RBL1: variants seen among roughly 807,000 people sequenced by gnomAD.
RBL1 encodes the protein RB transcriptional corepressor like 1.
A neutral mutation model predicts 123.0 loss-of-function variants in RBL1; 82 were observed. That is an observed-to-expected ratio of 0.67 (90% CI 0.56 to 0.80). The LOEUF (loss-of-function observed/expected upper bound fraction) is 0.80, where lower values mean the gene tolerates loss of function less well. Ranked by LOEUF, RBL1 falls within the 30% of genes least tolerant of loss-of-function variation. The pLI is 0.00. For synonymous variants in RBL1, 405 were observed against 441.3 expected (o/e 0.92, Z 1.03); for missense variants, 1,171 against 1,299.6 (o/e 0.90, Z 1.52).
At chr20:37,033,819 G>A (rs1220912994) in intron 15 of RBL1, among the ~76,000 whole-genome samples, 3 of 151,656 alleles carry the variant, frequency 2.0e-5, no homozygotes, top group East Asian at 3.9e-4. Context: ...GTTTCACCAC[G>A]TTGGCCAGGC....
At chr20:37,000,356 CAG>C (rs1465485768) in intron 21 of RBL1, among the ~76,000 whole-genome samples, 2 of 149,080 alleles carry the variant, frequency 1.3e-5, no homozygotes, top group Non-Finnish European at 3.0e-5. Context: ...CCGCCCCGTC[CAG>C]AAGGGAGGTG....
intron 19 of RBL1, among the ~76,000 whole-genome samples, chr20:37,016,213 A>G (rs1486102431): frequency 4.6e-5 from 7 of 150,688 alleles, no homozygotes; most frequent in African/African-American, 1.5e-4. Context: ...TTTTTAGTAG[A>G]GACAAGGTTT....
chr20:37,062,640 T>C (rs1182105678), intron 7 of RBL1, among the ~76,000 whole-genome samples: 6 of 91,970 alleles, frequency 6.5e-5, no homozygotes, highest in Middle Eastern at 8.5e-3. Flanking sequence ...AACAAGACTC[T>C]GTCTCAAAAA....
At chr20:37,073,068 G>A (rs866793305) in intron 2 of RBL1, among the ~76,000 whole-genome samples, 5 of 151,946 alleles carry the variant, frequency 3.3e-5, no homozygotes, top group South Asian at 2.1e-4. Flanking sequence ...CGATCCTCCC[G>A]CTCCAGCCTC....
intron 9 of RBL1, among the ~76,000 whole-genome samples, 187 bp downstream of exon 9, chr20:37,060,916 T>C (rs1568868022): frequency 6.6e-6 from 1 of 152,210 alleles, no homozygotes; most frequent in Non-Finnish European, 1.5e-5. Flanking sequence ...GCCTGACTGT[T>C]ATACATAATT....
In RBL1 at chr20:37,003,835, T is replaced by C; in HGVS notation, c.2903A>G (p.His968Arg). The C allele has an allele frequency of 6.2e-7, 1 of 1,613,794 alleles. No individual in the cohort carries two copies. Among genetic ancestry groups the C allele is most frequent in the Non-Finnish European group, 8.5e-7 (1 of 1,179,896 alleles). ...TGGTGAGCCTGGCTGTTGTTTAATA[T>C]GTGGAAAAGGAGAGAGTGGTGGAGC... ...MDAPPLSPFPHIKQQPGSPRR... is the reference protein window; with the variant it reads ...MDAPPLSPFPRIKQQPGSPRR... Residue 968 changes from histidine (H) to arginine (R), a missense_variant, in exon 21 of 22, where the codon CAT (histidine) becomes CGT (arginine). Physicochemically the swap from His to Arg is conservative, Grantham distance 29. Transcript: ENST00000373664.
chr20:37,015,452 A>G (rs1296831281), intron 19 of RBL1, among the ~76,000 whole-genome samples: 1 of 151,026 alleles, frequency 6.6e-6, no homozygotes. Context: ...TTTTTTTGAG[A>G]TGGAGTCTCA....
chr20:37,094,693 G>GT (rs1197238170), intron 1 of RBL1, among the ~76,000 whole-genome samples: 1 of 152,198 alleles, frequency 6.6e-6, no homozygotes, highest in Non-Finnish European at 1.5e-5. Context: ...CTGGAGTGCA[G>GT]TGGTGTGATC....
intron 2 of RBL1, among the ~76,000 whole-genome samples, chr20:37,074,068 G>A (rs2065324409): frequency 1.3e-5 from 2 of 152,020 alleles, no homozygotes; most frequent in African/African-American, 4.8e-5. Context: ...CTGAGATCGC[G>A]CCACTGCACT....
chr20:36,999,256 A>G (rs1164707635), intron 21 of RBL1, among the ~76,000 whole-genome samples: 1 of 151,926 alleles, frequency 6.6e-6, no homozygotes, highest in African/African-American at 2.4e-5. Flanking sequence ...AAATACAAAA[A>G]TTAGCCAGGT....
In RBL1 at chr20:37,022,806, T is replaced by C; in HGVS notation, c.2403A>G (p.Val801=). 6.2e-7 allele frequency: 1 copy of C among 1,610,816 alleles called. No homozygotes were observed. The highest frequency in any genetic ancestry group is 8.5e-7 in the Non-Finnish European group (1 of 1,178,502). Reference sequence around the variant, plus strand: ...GTTTTAGACATAGATCACGTAAGCGTACACTTGCCAAATGATAGACCTAAA... The same window carrying C: ...GTTTTAGACATAGATCACGTAAGCGCACACTTGCCAAATGATAGACCTAAA... ...FYRKVYHLAS[V]RLRDLCLKLD... is the part of the protein sequence containing the mutation. The change falls in exon 17 of 22, where the codon GTA becomes GTG. Residue 801 remains valine, a synonymous_variant. Transcript: ENST00000373664.
chr20:37,063,288 A>C (rs2065125688), intron 7 of RBL1, among the ~76,000 whole-genome samples: 1 of 151,592 alleles, frequency 6.6e-6, no homozygotes, highest in African/African-American at 2.4e-5. Flanking sequence ...ATGTTGGCCC[A>C]CCTTGGCCTC....
intron 2 of RBL1, among the ~76,000 whole-genome samples, chr20:37,068,543 T>G (rs963225288): frequency 6.7e-6 from 1 of 150,288 alleles, no homozygotes; most frequent in African/African-American, 2.4e-5. Flanking sequence ...AAAAAAAAAG[T>G]CCTCACTATG....
intron 21 of RBL1, among the ~76,000 whole-genome samples, chr20:37,001,918 T>TAAAAAAAAA (rs757774894): frequency 3.5e-3 from 298 of 86,336 alleles, no homozygotes; most frequent in Middle Eastern, 6.5e-3. Context: ...TGCAGAACAA[T>TAAAAAAAAA]AAAAAAAAAA....
intron 9 of RBL1, 57 bp from the exon 10 acceptor site, chr20:37,056,315 A>C: frequency 6.7e-7 from 1 of 1,496,500 alleles, no homozygotes; most frequent in Non-Finnish European, 8.8e-7. Flanking sequence ...CAAACAAAAA[A>C]GACTCCACAC....
intron 9 of RBL1, among the ~76,000 whole-genome samples, chr20:37,059,251 A>G (rs538954898): frequency 6.6e-6 from 1 of 152,192 alleles, no homozygotes; most frequent in South Asian, 2.1e-4. Flanking sequence ...GCTATTTCTG[A>G]GGCTGGAGAT....
chr20:37,069,449 C>T (rs1334649631), intron 2 of RBL1, among the ~76,000 whole-genome samples: 1 of 151,764 alleles, frequency 6.6e-6, no homozygotes, highest in Non-Finnish European at 1.5e-5. Context: ...CTCTGCCCAG[C>T]CGCCCATCGT....
intron 2 of RBL1, among the ~76,000 whole-genome samples, chr20:37,077,830 T>C (rs549659833): frequency 4.0e-5 from 6 of 151,716 alleles, no homozygotes; most frequent in Non-Finnish European, 5.9e-5. Context: ...AAAGTACAAT[T>C]ATCAAAATCA....
chr20:37,006,852 A>G (rs1284603207), intron 20 of RBL1, among the ~76,000 whole-genome samples: 3 of 151,500 alleles, frequency 2.0e-5, no homozygotes, highest in African/African-American at 7.3e-5. Flanking sequence ...AAAAAAAAAA[A>G]AAAGAAAACA....
Sources: gnomAD v4.1 joint callset for allele counts (sites outside exome capture counted in the v4.1 genomes callset) on GRCh38, gnomAD v4.1.1 for gene constraint, MANE v1.5 for transcripts, NCBI Gene and HGNC (gene_info 2026-07-23, HGNC 2026-07-21) for gene names.